Variants in E2F3 observed in about 807,000 individuals in gnomAD.
E2F3 encodes E2F transcription factor 3, also known as transcription factor E2F3.
E2F3 carries 11 observed loss-of-function variants against 44.4 expected under a neutral mutation model. The ratio of observed to expected loss-of-function variants is 0.25; its 90% CI spans 0.16 to 0.41. E2F3 has a LOEUF of 0.41. Ranked by LOEUF, E2F3 falls within the 10% of genes least tolerant of loss-of-function variation. The probability of loss-of-function intolerance (pLI) is 1.00; values close to 1 mark genes in which losing one functional copy is unlikely to be tolerated. For missense variants in E2F3, 487 were observed against 583.6 expected, an observed-to-expected ratio of 0.83 and a Z score of 1.70; for synonymous variants, 249 against 253.0, an observed-to-expected ratio of 0.98 and a Z score of 0.15.
chr6:20,461,397 G>C (rs1208266261), intron 1 of E2F3, among the ~76,000 whole-genome samples: 1 of 152,182 alleles, frequency 6.6e-6, no homozygotes, highest in Non-Finnish European at 1.5e-5. Context: ...GGGAGGCTGA[G>C]GCGGGAGAAT....
chr6:20,423,095 G>A (rs1184175264), intron 1 of E2F3, among the ~76,000 whole-genome samples: 2 of 152,122 alleles, frequency 1.3e-5, no homozygotes, highest in African/African-American at 2.4e-5. Flanking sequence ...TTTCTATGAT[G>A]TATTTCTTTC....
At chr6:20,447,541 C>CTTTTT (rs113706367) in intron 1 of E2F3, among the ~76,000 whole-genome samples, 37 of 144,244 alleles carry the variant, frequency 2.6e-4, no homozygotes, top group African/African-American at 8.8e-4. Context: ...TCTCAGCAAT[C>CTTTTT]TTTTTTTTTT....
intron 1 of E2F3, among the ~76,000 whole-genome samples, chr6:20,474,615 C>T (rs888637477): frequency 1.3e-5 from 2 of 152,198 alleles, no homozygotes; most frequent in African/African-American, 4.8e-5. Flanking sequence ...AAGAGATTTC[C>T]ATCTACCCTG....
At chr6:20,486,430 G>A (rs574481057) in intron 4 of E2F3, among the ~76,000 whole-genome samples, 10 of 152,082 alleles carry the variant, frequency 6.6e-5, no homozygotes, top group African/African-American at 2.4e-4. Context: ...CCGCCACCAC[G>A]CCTGGCTAAC....
chr6:20,441,232 C>A (rs1343168835), intron 1 of E2F3, among the ~76,000 whole-genome samples: 4 of 152,136 alleles, frequency 2.6e-5, no homozygotes, highest in African/African-American at 9.7e-5. Flanking sequence ...ACTCTAGATA[C>A]CTCATATAAG....
In E2F3 at chr6:20,433,467, T is replaced by C. The variant is rs185252486; in HGVS notation, c.393+30842T>C. ...TTAGCGTTTTCTTCTAGTATGAACGTAGGCACTAAACCACAGTAGAACTGG... is the reference window on the plus strand; with the variant it reads ...TTAGCGTTTTCTTCTAGTATGAACGCAGGCACTAAACCACAGTAGAACTGG... On this transcript the variant is annotated intron_variant, in intron 1 of 6. Coordinates refer to ENST00000346618, the MANE Select transcript of E2F3 (RefSeq NM_001949.5). 1.6e-4 allele frequency among the ~76,000 whole-genome samples: 25 copies of C among 152,328 alleles called. No homozygotes were observed. The East Asian group carries it at 4.8e-3, about 29-fold the overall frequency.
At chr6:20,456,938 A>G (rs529567625) in intron 1 of E2F3, among the ~76,000 whole-genome samples, 1 of 152,290 alleles carries the variant, frequency 6.6e-6, no homozygotes, top group South Asian at 2.1e-4. Context: ...GTCATTTATC[A>G]AGAAAAGCAA....
At chr6:20,432,655 G>C (rs1458473610) in intron 1 of E2F3, among the ~76,000 whole-genome samples, 11 of 152,214 alleles carry the variant, frequency 7.2e-5, no homozygotes, top group African/African-American at 2.4e-4. Flanking sequence ...GATGGATGTG[G>C]TCTGGAGTAT....
chr6:20,405,178 T>TC (rs2127582876), intron 1 of E2F3, among the ~76,000 whole-genome samples: 1 of 152,316 alleles, frequency 6.6e-6, no homozygotes, highest in African/African-American at 2.4e-5. Flanking sequence ...ATTTCAAAAC[T>TC]TTATTCTCCT....
chr6:20,465,019 C>G (rs1211588737), intron 1 of E2F3, among the ~76,000 whole-genome samples: 1 of 152,200 alleles, frequency 6.6e-6, no homozygotes, highest in Non-Finnish European at 1.5e-5. Context: ...GCAATCCTTA[C>G]ATTTTTATGT....
intron 1 of E2F3, among the ~76,000 whole-genome samples, chr6:20,474,832 A>G (rs942891759): frequency 1.3e-5 from 2 of 152,270 alleles, no homozygotes; most frequent in Admixed American, 6.5e-5. Flanking sequence ...GAGACCAAAC[A>G]GGTAATATGT....
At chr6:20,419,306 T>A (rs567418695) in intron 1 of E2F3, among the ~76,000 whole-genome samples, 5 of 152,338 alleles carry the variant, frequency 3.3e-5, no homozygotes, top group Admixed American at 3.3e-4. Flanking sequence ...TGTGCTTGTG[T>A]GTATTTCTGT....
chr6:20,491,291 CAATTT>C lies in E2F3; in HGVS notation c.*866_*870del, dbSNP rs1762545814. The C allele has an allele frequency of 4.3e-6, 1 of 230,626 alleles. No homozygotes were observed. The highest frequency in any genetic ancestry group is 8.6e-6 in the Non-Finnish European group (1 of 116,124). The allele number at this position is 230,626 out of a possible 1,614,324, so 14.3% of individuals were successfully genotyped here. A position where few individuals can be genotyped will look rare whatever the true frequency, so the allele number is the denominator to read the frequency against. Reference sequence around the variant, plus strand: ...ATTCCTGTGGCACCCATCACCATTTCAATTTAATTGTTTACTTTGAAGCGGTTTTT... The same window carrying C: ...ATTCCTGTGGCACCCATCACCATTTCAATTGTTTACTTTGAAGCGGTTTTT... On this transcript the variant is annotated 3_prime_UTR_variant, in exon 7 of 7. Coordinates refer to ENST00000346618, the MANE Select transcript of E2F3 (RefSeq NM_001949.5).
chr6:20,436,082 G>A (rs185625009), intron 1 of E2F3, among the ~76,000 whole-genome samples: 5 of 150,900 alleles, frequency 3.3e-5, no homozygotes, highest in Admixed American at 3.3e-4. Flanking sequence ...CTGGATTCAA[G>A]CAATTCTTCT....
At chr6:20,412,932 G>A (rs1189594485) in intron 1 of E2F3, among the ~76,000 whole-genome samples, 4 of 152,316 alleles carry the variant, frequency 2.6e-5, no homozygotes, top group East Asian at 1.9e-4. Context: ...CGCATGTATC[G>A]AGGGCACTAA....
chr6:20,430,915 C>G (rs1474779358), intron 1 of E2F3, among the ~76,000 whole-genome samples: 1 of 152,138 alleles, frequency 6.6e-6, no homozygotes, highest in East Asian at 1.9e-4. Context: ...ATCCCAGCTA[C>G]TTGGGAGGCT....
At chr6:20,486,367 G>A (rs1055540379) in intron 4 of E2F3, among the ~76,000 whole-genome samples, 1 of 152,154 alleles carries the variant, frequency 6.6e-6, no homozygotes, top group Non-Finnish European at 1.5e-5. Context: ...CCACCTCCCG[G>A]GTTCATGCCA....
At chr6:20,466,804 C>T (rs990537482) in intron 1 of E2F3, among the ~76,000 whole-genome samples, 9 of 152,102 alleles carry the variant, frequency 5.9e-5, no homozygotes, top group African/African-American at 2.2e-4. Flanking sequence ...GCCTCAGCCT[C>T]CCAAGTAGCT....
intron 1 of E2F3, among the ~76,000 whole-genome samples, chr6:20,452,732 G>A (rs561472893): frequency 6.5e-4 from 99 of 152,168 alleles, no homozygotes; most frequent in African/African-American, 2.2e-3. Flanking sequence ...GGTGGATCAC[G>A]AGGTCAGGAG....
Sources: allele counts gnomAD v4.1 joint callset (sites outside exome capture counted in the v4.1 genomes callset), GRCh38; gene constraint gnomAD v4.1.1; transcripts MANE v1.5; gene names NCBI Gene and HGNC (gene_info 2026-07-23, HGNC 2026-07-21).